Variants in EYS observed in about 807,000 individuals in gnomAD.
EYS encodes the protein protein eyes shut homolog.
In EYS, 250 loss-of-function variants were observed where a neutral mutation model predicts 282.1. The observed-to-expected ratio is 0.89, with a 90% CI of 0.80 to 0.98. EYS has a LOEUF of 0.98. Among genes scored for constraint, EYS ranks in the 50% least tolerant of loss-of-function variants. EYS has a pLI of 0.00. For missense variants in EYS, 4,016 were observed against 3,709.0 expected (o/e 1.08, Z -2.15); for synonymous variants, 1,355 against 1,282.9 (o/e 1.06, Z -1.20).
rs764163418 is a variant in EYS at position 65,384,473 on chromosome 6, G to GT, written c.1211dup (p.Asn404LysfsTer3). ...TACAGTGGTCAATTGCTTTCTCACA[G>GT]TTTTTTTCAGTAAATCCTGATATAC... On this transcript the variant is annotated frameshift_variant, in exon 8 of 43. Transcript: ENST00000503581. LOFTEE classifies it high-confidence loss of function. 28 of 1,601,590 alleles carry GT rather than the reference G, an allele frequency of 1.7e-5. 1 individual carries two copies. In the Middle Eastern group the frequency reaches 5.0e-4, roughly 28 times the overall value.
In EYS at chr6:65,530,014, T is replaced by C. The variant is rs201178318; in HGVS notation, c.-332-34021A>G. On this transcript the variant is annotated intron_variant, in intron 2 of 42. Coordinates refer to ENST00000503581, the MANE Select transcript of EYS (RefSeq NM_001142800.2). Reference sequence around the variant, plus strand: ...TGATGAAGAAAATATTATCTTTTGTTTGCTTTTTACATTTGCCTGCCTGTC... The same window carrying C: ...TGATGAAGAAAATATTATCTTTTGTCTGCTTTTTACATTTGCCTGCCTGTC... Among the ~76,000 whole-genome samples, 21 of 152,342 alleles carry C rather than the reference T, an allele frequency of 1.4e-4. No homozygotes were observed. In the East Asian group the frequency reaches 4.0e-3, roughly 29 times the overall value.
rs1472840777 is a variant in EYS, at chr6:63,789,098, G to T, written c.7538C>A (p.Thr2513Asn). 6.4e-7 allele frequency: 1 copy of T among 1,551,686 alleles called. No homozygotes were observed. Among genetic ancestry groups the T allele is most frequent in the East Asian group, 2.4e-5 (1 of 40,922 alleles). Residue 2513 changes from threonine to asparagine, a missense_variant, in exon 38 of 43, where the codon ACT becomes AAT. By Grantham distance (65) the Thr-to-Asn change is moderately conservative (BLOSUM62 0). Transcript: ENST00000503581. ...TTGGAAGAACTTGCCCAGATGAACA[G>T]TGTGGACTCCAAGGCTCAGATTGAG... is the stretch of plus-strand genomic sequence containing the variant. ...EPLNLSLGVH[T>N]VHLGKFFQEG...
At chr6:64,334,666 A>T (rs1770776397) in intron 29 of EYS, among the ~76,000 whole-genome samples, 1 of 152,190 alleles carries the variant, frequency 6.6e-6, no homozygotes, top group South Asian at 2.1e-4. Flanking sequence ...GGCAACCCAG[A>T]GGAGAGATGT....
chr6:64,525,657 A>G (rs949144779), intron 26 of EYS, among the ~76,000 whole-genome samples: 3 of 151,654 alleles, frequency 2.0e-5, no homozygotes, highest in African/African-American at 7.3e-5. Context: ...CTGCAAGTAT[A>G]CTCCTGAACC....
At chr6:64,126,168 T>C (rs1773779376) in intron 31 of EYS, among the ~76,000 whole-genome samples, 1 of 152,026 alleles carries the variant, frequency 6.6e-6, no homozygotes. Flanking sequence ...GATCTAGAAC[T>C]AGAAATACCA....
At chr6:63,756,053 T>A (rs1177225080) in intron 41 of EYS, among the ~76,000 whole-genome samples, 1 of 152,214 alleles carries the variant, frequency 6.6e-6, no homozygotes, top group African/African-American at 2.4e-5. Context: ...GTTTTCTAAA[T>A]ATATAATCAT....
At chr6:64,396,908 ATG>A (rs1773398889) in intron 28 of EYS, among the ~76,000 whole-genome samples, 1 of 151,838 alleles carries the variant, frequency 6.6e-6, no homozygotes, top group African/African-American at 2.4e-5. Flanking sequence ...GTGTGCATGC[ATG>A]TGTGTGCACA....
intron 12 of EYS, among the ~76,000 whole-genome samples, chr6:65,226,674 G>A (rs1766634485): frequency 6.6e-6 from 1 of 152,142 alleles, no homozygotes; most frequent in Non-Finnish European, 1.5e-5. Flanking sequence ...ATTGTTTATA[G>A]AAGTATGAAA....
At chr6:64,916,007 T>C (rs1361393039) in intron 15 of EYS, among the ~76,000 whole-genome samples, 1 of 152,178 alleles carries the variant, frequency 6.6e-6, no homozygotes, top group Non-Finnish European at 1.5e-5. Flanking sequence ...TATTACCCAG[T>C]CTTAAGAGAA....
Position 65,596,070 on chromosome 6 carries a change from G to T in EYS, c.-333+43708C>A, listed in dbSNP as rs1477115399. On this transcript the variant is annotated intron_variant, in intron 2 of 42. Coordinates refer to ENST00000503581, the MANE Select transcript of EYS (RefSeq NM_001142800.2). Reference sequence around the variant, plus strand: ...CATCAACAGCCGGTAAAATTCTGAGGCCTGCCTATAGCTACATGAGTGAGT... The same window carrying T: ...CATCAACAGCCGGTAAAATTCTGAGTCCTGCCTATAGCTACATGAGTGAGT... Among the ~76,000 whole-genome samples the T allele has an allele frequency of 2.0e-5, 3 of 151,930 alleles. No individual in the cohort carries two copies. The East Asian group carries it at 5.8e-4, about 30-fold the overall frequency.
At chr6:64,178,928 TCTTA>T (rs985910846) in intron 31 of EYS, among the ~76,000 whole-genome samples, 4 of 151,884 alleles carry the variant, frequency 2.6e-5, no homozygotes, top group African/African-American at 9.7e-5. Flanking sequence ...GGCTTTTTTT[TCTTA>T]CTTTTCTGCT....
intron 33 of EYS, among the ~76,000 whole-genome samples, chr6:64,056,055 T>G (rs1770972400): frequency 6.6e-6 from 1 of 152,014 alleles, no homozygotes; most frequent in African/African-American, 2.4e-5. Context: ...AATATGAACA[T>G]CTCAAGTCCA....
intron 31 of EYS, among the ~76,000 whole-genome samples, chr6:64,229,310 T>C (rs748615289): frequency 3.9e-5 from 6 of 152,058 alleles, no homozygotes; most frequent in East Asian, 1.9e-4. Context: ...TTTTTAAGAC[T>C]CCACCTAGCA....
At chr6:64,900,648 C>T (rs183345916) in intron 18 of EYS, among the ~76,000 whole-genome samples, 1 of 152,282 alleles carries the variant, frequency 6.6e-6, no homozygotes, top group African/African-American at 2.4e-5. Context: ...CATCACTGGT[C>T]ATTAGAGAAA....
intron 19 of EYS, among the ~76,000 whole-genome samples, chr6:64,846,471 G>A (rs779126448): frequency 2.0e-5 from 3 of 151,896 alleles, no homozygotes; most frequent in Admixed American, 2.0e-4. Flanking sequence ...TAGAAAGAGG[G>A]GTGGAGAAAA....
intron 30 of EYS, among the ~76,000 whole-genome samples, chr6:64,288,963 T>A (rs559781389): frequency 6.6e-6 from 1 of 152,120 alleles, no homozygotes; most frequent in Admixed American, 6.6e-5. Context: ...AAAAACCTCC[T>A]ATCTGGTTTT....
intron 22 of EYS, among the ~76,000 whole-genome samples, chr6:64,635,713 G>C (rs1460768083): frequency 6.6e-6 from 1 of 152,158 alleles, no homozygotes; most frequent in Non-Finnish European, 1.5e-5. Context: ...ATGTGCTGCT[G>C]GATTCGGTTT....
chr6:64,977,301 T>C (rs1394456201), intron 14 of EYS, among the ~76,000 whole-genome samples: 2 of 151,976 alleles, frequency 1.3e-5, no homozygotes, highest in Non-Finnish European at 2.9e-5. Flanking sequence ...GTTATGTTGA[T>C]AAGTGATCAG....
intron 33 of EYS, among the ~76,000 whole-genome samples, chr6:64,029,504 GGT>G (rs1184570611): frequency 6.6e-6 from 1 of 152,158 alleles, no homozygotes; most frequent in Non-Finnish European, 1.5e-5. Flanking sequence ...TTGAGGGACC[GGT>G]GTTTCAAAAA....
Sources: gnomAD v4.1 joint callset for allele counts (sites outside exome capture counted in the v4.1 genomes callset) on GRCh38, gnomAD v4.1.1 for gene constraint, MANE v1.5 for transcripts, NCBI Gene and HGNC (gene_info 2026-07-23, HGNC 2026-07-21) for gene names.